Variants in JAK1 observed in about 807,000 individuals in gnomAD.
JAK1 encodes the protein tyrosine-protein kinase JAK1.
Under a neutral mutation model 136.6 loss-of-function variants are expected in JAK1, and 16 were observed. The ratio of observed to expected loss-of-function variants is 0.12; its 90% confidence interval spans 0.08 to 0.18. The LOEUF is 0.18. Among genes scored for constraint, JAK1 ranks in the 10% least tolerant of loss-of-function variants. JAK1 has a pLI of 1.00. For missense variants in JAK1, 859 were observed against 1,450.1 expected (o/e 0.59, Z 6.62); for synonymous variants, 492 against 519.5 (o/e 0.95, Z 0.72).
At chr1:65,065,981 C>CG (rs1487403811) in intron 1 of JAK1, among the ~76,000 whole-genome samples, 1 of 151,266 alleles carries the variant, frequency 6.6e-6, no homozygotes, top group East Asian at 2.0e-4. Flanking sequence ...CACAACTTGC[C>CG]GGGGGAAAGG....
chr1:65,032,283 C>A (rs1251251348), intron 2 of JAK1, among the ~76,000 whole-genome samples: 1 of 152,074 alleles, frequency 6.6e-6, no homozygotes, highest in African/African-American at 2.4e-5. Context: ...TTCTTTGAAG[C>A]TTTGAATTAT....
chr1:64,935,475 T>G (rs544747863), intron 1 of JAK1, among the ~76,000 whole-genome samples: 1 of 152,006 alleles, frequency 6.6e-6, no homozygotes, highest in Non-Finnish European at 1.5e-5. Context: ...AATTTTTGTA[T>G]TTTTTAGTAG....
intron 1 of JAK1, among the ~76,000 whole-genome samples, chr1:64,934,384 C>T (rs1645751128): frequency 6.6e-6 from 1 of 152,158 alleles, no homozygotes; most frequent in African/African-American, 2.4e-5. Flanking sequence ...GCAGCCACAC[C>T]AAGGAACCAG....
At chr1:64,923,786 T>C (rs979060896) in intron 1 of JAK1, among the ~76,000 whole-genome samples, 5 of 152,204 alleles carry the variant, frequency 3.3e-5, no homozygotes, top group African/African-American at 1.2e-4. Context: ...CAGGTCTTAC[T>C]GATATGGTTC....
chr1:64,877,606 T>C (rs1316022974), intron 4 of JAK1, among the ~76,000 whole-genome samples: 1 of 151,980 alleles, frequency 6.6e-6, no homozygotes, highest in Non-Finnish European at 1.5e-5. Context: ...TTTCTGGGTA[T>C]TAGTTTTTCC....
At chr1:65,063,315 G>A (rs562373298) in intron 1 of JAK1, among the ~76,000 whole-genome samples, 22 of 152,264 alleles carry the variant, frequency 1.4e-4, no homozygotes, top group Non-Finnish European at 2.4e-4. Flanking sequence ...AGCAATAGCC[G>A]GGTATGTGGG....
rs181919006 is a variant in JAK1 at position 64,841,490 on chromosome 1, G to C, written c.2515C>G (p.Arg839Gly). 6.2e-7 allele frequency: 1 copy of C among 1,614,126 alleles called. No individual in the cohort carries two copies. Among genetic ancestry groups the C allele is most frequent in the Non-Finnish European group, 8.5e-7 (1 of 1,180,018 alleles). ...NYDPNQRPFFRAIMRDINKLE... is the reference protein window; with the variant it reads ...NYDPNQRPFFGAIMRDINKLE... ...TTATTAATGTCTCTCATGATGGCTCGGAAGAAAGGCCTCTGATTGGGGTCA... is the reference window on the plus strand; with the variant it reads ...TTATTAATGTCTCTCATGATGGCTCCGAAGAAAGGCCTCTGATTGGGGTCA... The change falls in exon 18 of 25, where the codon CGA becomes GGA. Residue 839 changes from arginine to glycine, a missense_variant. Physicochemically the swap from Arg to Gly is moderately radical, Grantham distance 125 (BLOSUM62 -2). This residue lies in a region of JAK1 where 409 missense variants were observed against 753.8 expected (regional missense o/e 0.54). Coordinates refer to ENST00000342505, the MANE Select transcript of JAK1 (RefSeq NM_002227.4).
At chr1:65,000,974 T>G (rs1646751079) in intron 2 of JAK1, among the ~76,000 whole-genome samples, 1 of 151,982 alleles carries the variant, frequency 6.6e-6, no homozygotes, top group South Asian at 2.1e-4. Context: ...AAAGGGTCCT[T>G]TCCTTTGGAG....
upstream of JAK1, among the ~76,000 whole-genome samples, chr1:64,970,159 C>T (rs1646438302): frequency 3.3e-5 from 1 of 30,454 alleles, no homozygotes; most frequent in Admixed American, 3.2e-4. Flanking sequence ...AAAAAAACGG[C>T]CGGGCACAGT....
chr1:65,062,296 C>A lies in JAK1; in HGVS notation c.-181+5308G>T, dbSNP rs12049119. On this transcript the variant is annotated intron_variant, in intron 1 of 25. Transcript: ENST00000671954. ...ACATCACATTTCACCACTCTCACCC[C>A]CCGGATTTTAGATTTTATGGTTTGC... 3.3e-3 allele frequency among the ~76,000 whole-genome samples: 504 copies of A among 152,298 alleles called. 24 individuals carry two copies. The East Asian group carries it at 0.081, about 25-fold the overall frequency.
At chr1:64,965,656 C>G (rs1646360108) in intron 1 of JAK1, among the ~76,000 whole-genome samples, 1 of 152,144 alleles carries the variant, frequency 6.6e-6, no homozygotes, top group Non-Finnish European at 1.5e-5. Flanking sequence ...TCGCAATTCC[C>G]CGGGTAGTTC....
At chr1:65,063,729 T>C (rs1466511004) in intron 1 of JAK1, among the ~76,000 whole-genome samples, 5 of 143,656 alleles carry the variant, frequency 3.5e-5, no homozygotes, top group African/African-American at 1.0e-4. Flanking sequence ...CGCTTGAACC[T>C]GGGAGGTGGA....
chr1:64,969,652 G>T (rs1274052391), upstream of JAK1, among the ~76,000 whole-genome samples: 1 of 152,172 alleles, frequency 6.6e-6, no homozygotes, highest in Admixed American at 6.5e-5. Flanking sequence ...GATGCAAAAG[G>T]CCTGAGGAGA....
At chr1:64,990,460 C>T (rs1569835636) in intron 2 of JAK1, 1 of 151,832 alleles carries the variant, frequency 6.6e-6, no homozygotes, top group East Asian at 1.9e-4. Flanking sequence ...ACAAAAACAA[C>T]CACACACACA....
intron 1 of JAK1, among the ~76,000 whole-genome samples, chr1:64,889,305 T>A (rs1644899385): frequency 6.6e-6 from 1 of 152,200 alleles, no homozygotes; most frequent in Non-Finnish European, 1.5e-5. Flanking sequence ...TTCACTGGGT[T>A]CAATTCCCAA....
At chr1:64,845,342 C>T (rs182441338) in intron 15 of JAK1, among the ~76,000 whole-genome samples, 171 bp downstream of exon 15, 39 of 152,310 alleles carry the variant, frequency 2.6e-4, no homozygotes, top group Admixed American at 2.4e-3. Context: ...CGGCCCCAAA[C>T]GACCATCTTC....
chr1:64,973,299 GAA>G (rs1183006287), intron 2 of JAK1, among the ~76,000 whole-genome samples: 2 of 141,330 alleles, frequency 1.4e-5, no homozygotes, highest in African/African-American at 2.6e-5. Flanking sequence ...GGGCGAGAAA[GAA>G]AGAGAGAGAA....
chr1:64,860,241 C>T lies in JAK1; in HGVS notation c.1198G>A (p.Glu400Lys), dbSNP rs766108549. 1.1e-5 allele frequency: 18 copies of T among 1,605,466 alleles called. No homozygotes were observed. The highest frequency in any genetic ancestry group is 1.3e-5 in the African/African-American group (1 of 74,700). ...AGGGACACAAAGGACAAGGCCTCCTCGTGGGAAGAGAGCTTCAGTTCCTGT... is the reference window on the plus strand; with the variant it reads ...AGGGACACAAAGGACAAGGCCTCCTTGTGGGAAGAGAGCTTCAGTTCCTGT... ...KKMELKLSSH[E>K]EALSFVSLVD... Residue 400 changes from glutamate (E) to lysine (K), a missense_variant, in exon 9 of 25, where the codon GAG (glutamate) becomes AAG (lysine). Glu to Lys is a moderately conservative substitution (Grantham distance 56). Transcript: ENST00000342505.
At chr1:64,974,046 T>C (rs929361294) in intron 2 of JAK1, 3 of 152,248 alleles carry the variant, frequency 2.0e-5, no homozygotes, top group African/African-American at 4.8e-5. Context: ...GTCCACATTA[T>C]GTTTTTAGAC....
Sources: allele counts gnomAD v4.1 joint callset (sites outside exome capture counted in the v4.1 genomes callset), GRCh38; gene constraint gnomAD v4.1.1; regional missense constraint gnomAD v4.1.1; transcripts MANE v1.5; gene names NCBI Gene and HGNC (gene_info 2026-07-23, HGNC 2026-07-21).